Variants in GDAP1 observed in about 807,000 individuals in gnomAD.
The protein encoded by GDAP1 is ganglioside induced differentiation associated protein 1.
Under a neutral mutation model 40.1 loss-of-function variants are expected in GDAP1, and 34 were observed. The ratio of observed to expected loss-of-function variants is 0.85; its 90% CI spans 0.64 to 1.13. GDAP1 has a LOEUF of 1.13. Among genes scored for constraint, GDAP1 ranks in the 50% most tolerant of loss-of-function variants. The probability of loss-of-function intolerance (pLI) is 0.00; values close to 1 mark genes in which losing one functional copy is unlikely to be tolerated. For missense variants in GDAP1, 374 were observed against 433.7 expected (o/e 0.86, Z 1.22); for synonymous variants, 170 against 157.4 (o/e 1.08, Z -0.60).
intron 2 of GDAP1, among the ~76,000 whole-genome samples, chr8:74,394,168 G>A (rs1390319442): frequency 6.6e-6 from 1 of 152,164 alleles, no homozygotes; most frequent in Non-Finnish European, 1.5e-5. Flanking sequence ...ATGGCTGGAG[G>A]CAAAGAGAGA....
rs543788988 is a variant in GDAP1 at position 74,400,337 on chromosome 8, A to T, written c.165+49016A>T. On this transcript the variant is annotated intron_variant, in intron 2 of 2. Coordinates refer to the GDAP1 transcript ENST00000523640. ...CTTTGTCTCTTTCGATCTTTGTTGG[A>T]TTAAAGTCTGTTTTATCTGAGACTA... Among the ~76,000 whole-genome samples the T allele has an allele frequency of 6.3e-3, 949 of 149,510 alleles. 100 individuals are homozygous for T. The highest frequency in any genetic ancestry group is 0.022 in the African/African-American group (861 of 39,056).
chr8:74,419,811 T>A (rs1286027308), intron 2 of GDAP1, among the ~76,000 whole-genome samples: 1 of 152,204 alleles, frequency 6.6e-6, no homozygotes, highest in African/African-American at 2.4e-5. Context: ...AGGGCATTGA[T>A]CTATTTTCAG....
chr8:74,362,786 T>TC (rs148710968), intron 4 of GDAP1, among the ~76,000 whole-genome samples, 153 bp from the exon 5 acceptor site: 879 of 44,856 alleles, frequency 0.02, 2 homozygotes, highest in African/African-American at 0.054. Context: ...CTCTCTCTCT[T>TC]TTTTTTTTTT....
chr8:74,359,641 C>A (rs1809259656), intron 2 of GDAP1, among the ~76,000 whole-genome samples: 1 of 152,164 alleles, frequency 6.6e-6, no homozygotes, highest in Admixed American at 6.5e-5. Context: ...ATTCAATTAA[C>A]CAAACTTTAT....
At chr8:74,420,549 A>G (rs1805842661) in intron 2 of GDAP1, among the ~76,000 whole-genome samples, 1 of 152,164 alleles carries the variant, frequency 6.6e-6, no homozygotes, top group Non-Finnish European at 1.5e-5. Flanking sequence ...AACAACACAA[A>G]CAGTAACAAC....
intron 2 of GDAP1, among the ~76,000 whole-genome samples, chr8:74,394,563 T>C (rs1415776868): frequency 6.6e-6 from 1 of 152,176 alleles, no homozygotes; most frequent in African/African-American, 2.4e-5. Context: ...TCTTCCTAGC[T>C]TTAATGGTCA....
intron 2 of GDAP1, among the ~76,000 whole-genome samples, chr8:74,456,181 AG>A (rs1470832046): frequency 6.6e-6 from 1 of 151,966 alleles, no homozygotes; most frequent in African/African-American, 2.4e-5. Flanking sequence ...TGCAAAATAC[AG>A]GCACACTAAC....
At position 74,374,827 on chromosome 8, in the gene GDAP1, C is replaced by G. The variant is rs544082581; in HGVS notation, c.165+23506C>G. ...GGAATTTGGAATAGCCATATATCCA[C>G]TAAACAAATTGAATTTGTAATAAAA... On this transcript the variant is annotated intron_variant, in intron 2 of 2. Coordinates refer to the GDAP1 transcript ENST00000523640. Among the ~76,000 whole-genome samples, 53 of 152,170 alleles carry G rather than the reference C, an allele frequency of 3.5e-4. 1 individual carries two copies. Among genetic ancestry groups the G allele is most frequent in the Non-Finnish European group, 3.5e-4 (24 of 68,008 alleles).
At chr8:74,369,969 G>C (rs985267672), downstream of GDAP1, among the ~76,000 whole-genome samples, 1 of 152,132 alleles carries the variant, frequency 6.6e-6, no homozygotes, top group Admixed American at 6.5e-5. Flanking sequence ...TTTATATCCA[G>C]AGAAAATACC....
intron 2 of GDAP1, among the ~76,000 whole-genome samples, chr8:74,359,199 G>A (rs10093891): frequency 0.46 from 70,598 of 152,040 alleles, 16,427 homozygotes; most frequent in Middle Eastern, 0.54. Context: ...TTAGCTGTGG[G>A]ATCTTGGGAG....
chr8:74,356,688 GTGTT>G (rs1247133060), intron 2 of GDAP1, among the ~76,000 whole-genome samples: 139 of 101,610 alleles, frequency 1.4e-3, no homozygotes, highest in Middle Eastern at 5.1e-3. Flanking sequence ...GTGTGTGTGT[GTGTT>G]TGTGTGTGTG....
intron 2 of GDAP1, among the ~76,000 whole-genome samples, chr8:74,394,059 TA>T (rs1352767369): frequency 2.6e-5 from 4 of 152,008 alleles, no homozygotes; most frequent in Admixed American, 2.6e-4. Flanking sequence ...CTGGACAATT[TA>T]CAAAAAAAAG....
chr8:74,367,652 C>T (rs766666727), downstream of GDAP1, among the ~76,000 whole-genome samples: 2 of 152,318 alleles, frequency 1.3e-5, no homozygotes, highest in South Asian at 2.1e-4. Flanking sequence ...TTACCCATAT[C>T]AGAATGTCTT....
downstream of GDAP1, among the ~76,000 whole-genome samples, chr8:74,367,661 T>C (rs1422866264): frequency 6.6e-6 from 1 of 152,228 alleles, no homozygotes; most frequent in African/African-American, 2.4e-5. Flanking sequence ...TCAGAATGTC[T>C]TGATTTTATA....
intron 2 of GDAP1, among the ~76,000 whole-genome samples, chr8:74,485,202 T>C (rs1806761991): frequency 1.3e-5 from 2 of 152,182 alleles, no homozygotes; most frequent in Non-Finnish European, 2.9e-5. Flanking sequence ...ACAATTCCCA[T>C]GATACGATTA....
intron 2 of GDAP1, among the ~76,000 whole-genome samples, chr8:74,376,964 A>T (rs1291771068): frequency 6.6e-6 from 1 of 152,194 alleles, no homozygotes; most frequent in Admixed American, 6.5e-5. Flanking sequence ...TTGGGAAAAG[A>T]AAGTCTTTTC....
chr8:74,480,172 T>C (rs555983882), intron 2 of GDAP1, among the ~76,000 whole-genome samples: 1 of 152,024 alleles, frequency 6.6e-6, no homozygotes, highest in Non-Finnish European at 1.5e-5. Context: ...GTATTTTTGG[T>C]AGAGATGGAG....
intron 2 of GDAP1, among the ~76,000 whole-genome samples, chr8:74,465,035 C>A (rs1178049188): frequency 4.6e-5 from 7 of 152,004 alleles, no homozygotes; most frequent in Non-Finnish European, 1.0e-4. Context: ...GCCTGGGCAA[C>A]ATGGTGAAAG....
At chr8:74,360,460 T>G in intron 3 of GDAP1, 150 bp downstream of exon 3, 1 of 738,062 alleles carries the variant, frequency 1.4e-6, no homozygotes, top group Non-Finnish European at 2.4e-6. Flanking sequence ...GATCGATCCA[T>G]GAACCAGTCG....
Sources: allele counts gnomAD v4.1 joint callset (sites outside exome capture counted in the v4.1 genomes callset), GRCh38; gene constraint gnomAD v4.1.1; transcripts MANE v1.5; gene names NCBI Gene and HGNC (gene_info 2026-07-23, HGNC 2026-07-21).